The following ZNF518A variants were observed in gnomAD, a reference collection of about 807,000 sequenced individuals.
ZNF518A encodes the protein zinc finger protein 518A.
ZNF518A carries 47 observed loss-of-function variants against 102.7 expected under a neutral mutation model. That is an observed-to-expected ratio of 0.46 (90% CI 0.36 to 0.58). The LOEUF is 0.58. Ranked by LOEUF, ZNF518A falls within the 20% of genes least tolerant of loss-of-function variation. The pLI is 0.00. For missense variants in ZNF518A, 1,793 were observed against 1,699.8 expected (o/e 1.05, Z -0.96); for synonymous variants, 652 against 594.6 (o/e 1.10, Z -1.40).
At chr10:96,198,212 G>C (rs1292294265) in intron 1 of ZNF518A, among the ~76,000 whole-genome samples, 1 of 152,016 alleles carries the variant, frequency 6.6e-6, no homozygotes, top group Non-Finnish European at 1.5e-5. Flanking sequence ...AAACAACCAG[G>C]AGAGAAAATG....
chr10:96,200,277 A>C lies in ZNF518A; in HGVS notation n.36-3297A>C. 1 of 663,974 alleles carries C rather than the reference A, an allele frequency of 1.5e-6. No homozygotes were observed. The highest frequency in any genetic ancestry group is 2.6e-6 in the Non-Finnish European group (1 of 377,814). 41.1% of individuals were successfully genotyped at this position (663,974 alleles called of 1,614,324 possible). A position where few individuals can be genotyped will look rare whatever the true frequency, so the allele number is the denominator to read the frequency against. ...ACAGGCCTCTACATTTACACCAATA[A>C]TTTTAAGATGAGTTTTATTTTTCCT... is the stretch of plus-strand genomic sequence containing the variant. On this transcript the variant is annotated intron_variant and non_coding_transcript_variant, in intron 1 of 2. Coordinates refer to the ZNF518A transcript ENST00000442635. The surrounding 1 kb of genome is among the most constrained non-coding windows in gnomAD (Gnocchi z 4.3).
At chr10:96,185,733 GGGA>G (rs1554892496) in intron 1 of ZNF518A, among the ~76,000 whole-genome samples, 1 of 152,126 alleles carries the variant, frequency 6.6e-6, no homozygotes, top group African/African-American at 2.4e-5. Flanking sequence ...GGCCCCTACT[GGGA>G]GGTGTCTCCC....
chr10:96,195,710 A>G (rs2083448419), intron 1 of ZNF518A, among the ~76,000 whole-genome samples: 1 of 152,232 alleles, frequency 6.6e-6, no homozygotes, highest in South Asian at 2.1e-4. Flanking sequence ...TAAGATGAAC[A>G]AGTTCTGGAG....
At chr10:96,195,430 T>C (rs1276041625) in intron 1 of ZNF518A, among the ~76,000 whole-genome samples, 1 of 152,184 alleles carries the variant, frequency 6.6e-6, no homozygotes, top group East Asian at 1.9e-4. Flanking sequence ...TGATGGATGT[T>C]AGACACACAA....
intron 3 of ZNF518A, among the ~76,000 whole-genome samples, chr10:96,152,813 A>G (rs587745839): frequency 3.9e-5 from 6 of 152,268 alleles, no homozygotes; most frequent in Admixed American, 3.9e-4. Context: ...GCAAAATTAC[A>G]GTATTAAAAT....
chr10:96,168,791 C>T (rs2083157711), intron 1 of ZNF518A, among the ~76,000 whole-genome samples: 1 of 152,124 alleles, frequency 6.6e-6, no homozygotes, highest in Non-Finnish European at 1.5e-5. Flanking sequence ...TCAAGATTCT[C>T]TTTTTGTCCT....
chr10:96,183,874 A>G (rs2083254938), intron 1 of ZNF518A, among the ~76,000 whole-genome samples: 1 of 152,052 alleles, frequency 6.6e-6, no homozygotes, highest in Non-Finnish European at 1.5e-5. Context: ...ATCATTGTTA[A>G]CCTTCTGTCT....
intron 3 of ZNF518A, among the ~76,000 whole-genome samples, chr10:96,145,267 A>C (rs1307716423): frequency 6.6e-6 from 1 of 152,118 alleles, no homozygotes; most frequent in Non-Finnish European, 1.5e-5. Flanking sequence ...ATGGGGTTTC[A>C]CCATGTTGGT....
At chr10:96,168,449 T>G (rs1370024648), downstream of ZNF518A, among the ~76,000 whole-genome samples, 3 of 152,096 alleles carry the variant, frequency 2.0e-5, no homozygotes, top group African/African-American at 7.2e-5. Flanking sequence ...TTTTTTTTTT[T>G]CATTCATGTG....
chr10:96,185,983 G>A (rs1470623624), intron 1 of ZNF518A, among the ~76,000 whole-genome samples: 2 of 152,244 alleles, frequency 1.3e-5, no homozygotes, highest in African/African-American at 4.8e-5. Flanking sequence ...TCAGACTGCT[G>A]CACTAGCAGT....
intron 1 of ZNF518A, among the ~76,000 whole-genome samples, chr10:96,181,405 C>T (rs11188650): frequency 0.31 from 46,548 of 151,932 alleles, 8,211 homozygotes; most frequent in East Asian, 0.66. Context: ...GTGTTTTAGT[C>T]ATGAAGTCCT....
Position 96,200,075 on chromosome 10 carries a change from C to T in ZNF518A, n.36-3499C>T. ...TAATAAATAATAAAAATGATCAGAC[C>T]TTGTTTGATCTGTGCAATGCCTCTT... On this transcript the variant is annotated intron_variant and non_coding_transcript_variant, in intron 1 of 2. Coordinates refer to the ZNF518A transcript ENST00000442635. This position sits in a 1 kb window ranked among gnomAD's most constrained non-coding sequence, Gnocchi z 4.3. The T allele has an allele frequency of 6.3e-7, 1 of 1,586,286 alleles. No homozygotes were observed. The highest frequency in any genetic ancestry group is 1.2e-5 in the South Asian group (1 of 85,954).
chr10:96,158,600 A>C lies in ZNF518A; in HGVS notation c.2278A>C (p.Met760Leu). 6.2e-7 allele frequency: 1 copy of C among 1,613,424 alleles called. No homozygotes were observed. Among genetic ancestry groups the C allele is most frequent in the Non-Finnish European group, 8.5e-7 (1 of 1,179,676 alleles). ...AGACTTTTCTAATGTCGATTCACCT[A>C]TGATGCCTAGAATCACATCTGTTTT... The part of the protein sequence containing the change: ...WEDFSNVDSP[M>L]MPRITSVFSL... The change falls in exon 6 of 6, where the codon ATG becomes CTG. Residue 760 changes from methionine to leucine, a missense_variant. By Grantham distance (15) the Met-to-Leu change is conservative. Transcript: ENST00000316045.
chr10:96,166,422 G>T (rs1365021181), downstream of ZNF518A, among the ~76,000 whole-genome samples: 1 of 152,174 alleles, frequency 6.6e-6, no homozygotes, highest in Non-Finnish European at 1.5e-5. Flanking sequence ...ATCAGTAACA[G>T]TGGAGGTTCA....
chr10:96,139,278 G>T (rs12573660), intron 3 of ZNF518A, among the ~76,000 whole-genome samples: 4,689 of 152,142 alleles, frequency 0.031, 238 homozygotes, highest in East Asian at 0.17. Flanking sequence ...GTGCCTTGTT[G>T]CTATAGGCTG....
chr10:96,194,189 G>A (rs1271292417), intron 1 of ZNF518A, among the ~76,000 whole-genome samples: 1 of 152,168 alleles, frequency 6.6e-6, no homozygotes, highest in Non-Finnish European at 1.5e-5. Context: ...TCAGGACCTC[G>A]AAATAGGACA....
intron 3 of ZNF518A, among the ~76,000 whole-genome samples, chr10:96,138,257 C>T (rs1305951858): frequency 2.0e-5 from 3 of 152,192 alleles, no homozygotes; most frequent in African/African-American, 4.8e-5. Context: ...CACAATGCTC[C>T]AGTAGCTTCC....
At chr10:96,145,121 G>A (rs1343869393) in intron 3 of ZNF518A, among the ~76,000 whole-genome samples, 3 of 150,758 alleles carry the variant, frequency 2.0e-5, no homozygotes, top group African/African-American at 7.3e-5. Flanking sequence ...CCAGGCTGGA[G>A]TGCAGTGGCG....
At chr10:96,203,798 TA>T (rs1564816381) in intron 2 of ZNF518A, 1 of 308,318 alleles carries the variant, frequency 3.2e-6, no homozygotes, top group Non-Finnish European at 6.0e-6. Context: ...AAAAAAAAGT[TA>T]AAAAAGGATG....
Sources: gnomAD v4.1 joint callset for allele counts (sites outside exome capture counted in the v4.1 genomes callset) on GRCh38, gnomAD v4.1.1 for gene constraint, Gnocchi (gnomAD v3.1) non-coding constraint, MANE v1.5 for transcripts, NCBI Gene and HGNC (gene_info 2026-07-23, HGNC 2026-07-21) for gene names.